The following UGT1A10 variants were observed in gnomAD, a reference collection of about 807,000 sequenced individuals.
The protein encoded by UGT1A10 is UDP-glucuronosyltransferase 1A10.
UGT1A10 carries 49 observed loss-of-function variants against 45.8 expected under a neutral mutation model. That is an observed-to-expected ratio of 1.07 (90% CI 0.85 to 1.36). The LOEUF (loss-of-function observed/expected upper bound fraction) is 1.36, where lower values mean the gene tolerates loss of function less well. Ranked by LOEUF, UGT1A10 falls within the 40% of genes most tolerant of loss-of-function variation. The pLI is 0.00. For synonymous variants in UGT1A10, 284 were observed against 249.7 expected (o/e 1.14, Z -1.29); for missense variants, 745 against 668.6 (o/e 1.11, Z -1.26).
intron 1 of UGT1A10, among the ~76,000 whole-genome samples, chr2:233,757,540 A>ATATACATATACT (rs1559403688): frequency 8.6e-6 from 1 of 116,538 alleles, no homozygotes; most frequent in Admixed American, 8.4e-5. Flanking sequence ...TAAGGAATAT[A>ATATACATATACT]TATATATATA....
At position 233,760,483 on chromosome 2, in the gene UGT1A10, T is replaced by C. The variant is rs750890851; in HGVS notation, c.856-6551T>C. On this transcript the variant is annotated intron_variant, in intron 1 of 4. Transcript: ENST00000344644. ...AGTTGTCCTAGCACCTGACGCCTCG[T>C]TGTACATCAGAGACGGAGCATTTTA... is the stretch of plus-strand genomic sequence containing the variant. The C allele has an allele frequency of 6.2e-6, 10 of 1,614,116 alleles. No individual in the cohort carries two copies. In the South Asian group the frequency reaches 8.8e-5, roughly 14 times the overall value.
chr2:233,707,787 G>A (rs1320068182), intron 1 of UGT1A10, among the ~76,000 whole-genome samples: 1 of 152,136 alleles, frequency 6.6e-6, no homozygotes, highest in Non-Finnish European at 1.5e-5. Context: ...ATATACCTAG[G>A]GGTGGAGCTG....
intron 1 of UGT1A10, among the ~76,000 whole-genome samples, chr2:233,638,755 T>C (rs2073371391): frequency 6.6e-6 from 1 of 152,206 alleles, no homozygotes; most frequent in African/African-American, 2.4e-5. Flanking sequence ...TATCTGTCAT[T>C]GGCAGATGGT....
chr2:233,749,231 T>A (rs10178992), intron 1 of UGT1A10, among the ~76,000 whole-genome samples: 55,848 of 151,690 alleles, frequency 0.37, 10,811 homozygotes, highest in African/African-American at 0.42. Context: ...CTTCATTTTT[T>A]AAAATCAAAC....
chr2:233,705,147 A>G (rs1162115841), intron 1 of UGT1A10, among the ~76,000 whole-genome samples: 2 of 151,972 alleles, frequency 1.3e-5, no homozygotes, highest in Admixed American at 6.6e-5. Flanking sequence ...AAAAAAAAAA[A>G]AAGAGAGAGA....
At chr2:233,715,777 A>C (rs1241643049) in intron 1 of UGT1A10, among the ~76,000 whole-genome samples, 12 of 152,166 alleles carry the variant, frequency 7.9e-5, no homozygotes, top group Admixed American at 1.3e-4. Context: ...ATCTCAAAAA[A>C]ATAAAAATTT....
rs371916153 is a variant in UGT1A10, at chr2:233,743,676, T to C, written c.856-23358T>C. On this transcript the variant is annotated intron_variant, in intron 1 of 4. Coordinates refer to ENST00000344644, the MANE Select transcript of UGT1A10 (RefSeq NM_019075.4). Reference sequence around the variant, plus strand: ...TACTCGAAGGGGTCCTCGAAGGGCCTGCCGCCTGTGCAGCCGCCCTCCGCC... The same window carrying C: ...TACTCGAAGGGGTCCTCGAAGGGCCCGCCGCCTGTGCAGCCGCCCTCCGCC... 1.7e-5 allele frequency: 23 copies of C among 1,367,108 alleles called. No homozygotes were observed. In the African/African-American group the frequency reaches 3.1e-4, roughly 19 times the overall value. The allele number at this position is 1,367,108 out of a possible 1,614,324, so 84.7% of individuals were successfully genotyped here. A position where few individuals can be genotyped will look rare whatever the true frequency, so the allele number is the denominator to read the frequency against.
chr2:233,724,182 C>T (rs1411199563), intron 1 of UGT1A10, among the ~76,000 whole-genome samples: 18 of 119,544 alleles, frequency 1.5e-4, no homozygotes, highest in African/African-American at 3.0e-4. Flanking sequence ...ATCTCCCTCC[C>T]GGACGGGGTG....
Position 233,760,454 on chromosome 2 carries a change from A to C in UGT1A10, c.856-6580A>C, listed in dbSNP as rs140365717. 64 of 1,614,102 alleles carry C rather than the reference A, an allele frequency of 4.0e-5. No homozygotes were observed. The highest frequency in any genetic ancestry group is 5.0e-5 in the Non-Finnish European group (59 of 1,180,050). On this transcript the variant is annotated intron_variant, in intron 1 of 4. Coordinates refer to ENST00000344644, the MANE Select transcript of UGT1A10 (RefSeq NM_019075.4). Reference sequence around the variant, plus strand: ...CAGCAGCTGCAGCAGAGGGGACATGAAATAGTTGTCCTAGCACCTGACGCC... The same window carrying C: ...CAGCAGCTGCAGCAGAGGGGACATGCAATAGTTGTCCTAGCACCTGACGCC...
intron 1 of UGT1A10, among the ~76,000 whole-genome samples, chr2:233,667,687 A>T (rs541151783): frequency 6.6e-6 from 1 of 152,242 alleles, no homozygotes; most frequent in Non-Finnish European, 1.5e-5. Context: ...ATTTACAAGA[A>T]AAAATCAAAC....
At chr2:233,744,014 C>G (rs1692649024) in intron 1 of UGT1A10, 1 of 1,062,236 alleles carries the variant, frequency 9.4e-7, no homozygotes, top group Non-Finnish European at 1.2e-6. Context: ...CCTGGGCCGC[C>G]TGGAGAGACG....
At chr2:233,639,106 C>G (rs1483655236) in intron 1 of UGT1A10, among the ~76,000 whole-genome samples, 2 of 151,916 alleles carry the variant, frequency 1.3e-5, no homozygotes, top group South Asian at 2.1e-4. Context: ...ATATAAAAAC[C>G]TATATATGAT....
At position 233,713,118 on chromosome 2, in the gene UGT1A10, A is replaced by G. The variant is rs45441297; in HGVS notation, c.856-53916A>G. 3.1e-4 allele frequency: 500 copies of G among 1,614,224 alleles called. 3 individuals are homozygous for G. In the East Asian group the frequency reaches 4.3e-3, roughly 14 times the overall value. ...GCCCACTGATGGCAGCCACTGGCTC[A>G]GCATGCGGGAGGCCTTGCGGGACCT... On this transcript the variant is annotated intron_variant, in intron 1 of 4. Coordinates refer to ENST00000344644, the MANE Select transcript of UGT1A10 (RefSeq NM_019075.4).
chr2:233,737,052 A>T (rs1559381224), intron 1 of UGT1A10, among the ~76,000 whole-genome samples: 1 of 152,244 alleles, frequency 6.6e-6, no homozygotes, highest in Non-Finnish European at 1.5e-5. Flanking sequence ...CCATACTAGG[A>T]GAACGAGTGC....
chr2:233,648,345 A>G (rs962698374), intron 1 of UGT1A10: 6 of 452,960 alleles, frequency 1.3e-5, no homozygotes, highest in African/African-American at 1.0e-4. Context: ...TCGCCAGAGG[A>G]ATACTTTGAC....
intron 1 of UGT1A10, among the ~76,000 whole-genome samples, chr2:233,684,025 T>G (rs28898569): frequency 6.6e-6 from 1 of 152,182 alleles, no homozygotes; most frequent in East Asian, 1.9e-4. Flanking sequence ...GGCAAATGCA[T>G]AGTTGCTAAA....
At chr2:233,768,051 T>C in intron 3 of UGT1A10, 115 bp downstream of exon 3, 1 of 1,605,492 alleles carries the variant, frequency 6.2e-7, no homozygotes, top group South Asian at 1.1e-5. Flanking sequence ...CAACATATCC[T>C]ACATTGCTTT....
intron 1 of UGT1A10, among the ~76,000 whole-genome samples, chr2:233,646,934 A>C (rs985052326): frequency 3.3e-5 from 5 of 152,208 alleles, no homozygotes; most frequent in African/African-American, 1.2e-4. Context: ...GCTGCTGATA[A>C]AGACATGCCT....
chr2:233,753,016 T>C (rs1233193330), intron 1 of UGT1A10, among the ~76,000 whole-genome samples: 2 of 152,164 alleles, frequency 1.3e-5, no homozygotes, highest in Admixed American at 1.3e-4. Flanking sequence ...AGAGTGGTGA[T>C]TTACAACACA....
Sources: gnomAD v4.1 joint callset for allele counts (sites outside exome capture counted in the v4.1 genomes callset) on GRCh38, gnomAD v4.1.1 for gene constraint, MANE v1.5 for transcripts, NCBI Gene and HGNC (gene_info 2026-07-23, HGNC 2026-07-21) for gene names.